Variants in SLC26A7 observed in about 807,000 individuals in gnomAD.
SLC26A7 encodes the protein anion exchange transporter.
SLC26A7 carries 59 observed loss-of-function variants against 82.5 expected under a neutral mutation model. That is an observed-to-expected ratio of 0.72 (90% CI 0.58 to 0.89). The LOEUF is 0.89. SLC26A7 is among the 40% of genes least tolerant of loss of function. The pLI, the probability that SLC26A7 is intolerant of heterozygous loss-of-function variation, is 0.00. For synonymous variants in SLC26A7, 271 were observed against 274.3 expected (o/e 0.99, Z 0.12); for missense variants, 820 against 793.0 (o/e 1.03, Z -0.41).
At chr8:91,245,024 T>C (rs954172298), upstream of SLC26A7, among the ~76,000 whole-genome samples, 1 of 152,198 alleles carries the variant, frequency 6.6e-6, no homozygotes, top group Non-Finnish European at 1.5e-5. Flanking sequence ...ACTGTACTGG[T>C]TGGCCTATCA....
At chr8:91,324,764 G>A (rs1052704506) in intron 5 of SLC26A7, among the ~76,000 whole-genome samples, 1 of 152,146 alleles carries the variant, frequency 6.6e-6, no homozygotes, top group Non-Finnish European at 1.5e-5. Context: ...TTGAAGGTGG[G>A]TAACGTGGTC....
At chr8:91,298,540 TAA>T (rs1475265215) in intron 4 of SLC26A7, among the ~76,000 whole-genome samples, 1 of 152,130 alleles carries the variant, frequency 6.6e-6, no homozygotes, top group Non-Finnish European at 1.5e-5. Flanking sequence ...TCAAGCATGT[TAA>T]AGTCATCATT....
In SLC26A7 at chr8:91,318,408, A is replaced by G. The variant is rs759849204; in HGVS notation, c.642+28A>G. On this transcript the variant is annotated intron_variant, in intron 5 of 18. Transcript: ENST00000276609. ...GAGTTTTTCGTATGCTTTCATACAT[A>G]TCTTTTGAATGTGCAGGTTTCACAA... 1.2e-5 allele frequency: 18 copies of G among 1,546,810 alleles called. No individual in the cohort carries two copies. The South Asian group carries it at 1.7e-4, about 14-fold the overall frequency.
At chr8:91,236,847 TAAAAC>T (rs1810399976) in intron 2 of SLC26A7, among the ~76,000 whole-genome samples, 1 of 152,210 alleles carries the variant, frequency 6.6e-6, no homozygotes, top group Non-Finnish European at 1.5e-5. Context: ...ATGTGCAGAA[TAAAAC>T]AAACAACTAC....
chr8:91,265,159 G>T (rs564241277), intron 2 of SLC26A7, among the ~76,000 whole-genome samples: 1 of 152,060 alleles, frequency 6.6e-6, no homozygotes, highest in South Asian at 2.1e-4. Flanking sequence ...TCTGTGTCTG[G>T]CTTATTTTAC....
chr8:91,230,868 T>C (rs547348659), intron 2 of SLC26A7, among the ~76,000 whole-genome samples: 2 of 152,194 alleles, frequency 1.3e-5, no homozygotes, highest in East Asian at 3.9e-4. Flanking sequence ...AAAGACCAAA[T>C]TGAATTTATA....
chr8:91,330,048 G>T (rs1442224598), intron 5 of SLC26A7, among the ~76,000 whole-genome samples: 1 of 152,010 alleles, frequency 6.6e-6, no homozygotes, highest in Admixed American at 6.6e-5. Flanking sequence ...AAGTAGCATG[G>T]AATAAAATAG....
chr8:91,217,522 C>T (rs973731661), intron 1 of SLC26A7, among the ~76,000 whole-genome samples: 1 of 152,126 alleles, frequency 6.6e-6, no homozygotes, highest in African/African-American at 2.4e-5. Flanking sequence ...CTTCCTTGAA[C>T]TGTCTTGCCT....
intron 2 of SLC26A7, among the ~76,000 whole-genome samples, chr8:91,270,614 C>T (rs1784120807): frequency 6.6e-6 from 1 of 152,094 alleles, no homozygotes; most frequent in Non-Finnish European, 1.5e-5. Context: ...ATACTCTTGC[C>T]ACCCACCAAT....
At chr8:91,260,981 C>T (rs956366239) in intron 2 of SLC26A7, among the ~76,000 whole-genome samples, 1 of 152,022 alleles carries the variant, frequency 6.6e-6, no homozygotes, top group Admixed American at 6.6e-5. Context: ...AACGCTTAAC[C>T]CTAATCCTGC....
intron 2 of SLC26A7, among the ~76,000 whole-genome samples, chr8:91,239,395 AATATATATATATATATGTATATGT>A (rs1810439836): frequency 6.3e-5 from 6 of 94,872 alleles, no homozygotes; most frequent in Non-Finnish European, 1.4e-4. Flanking sequence ...AAAAAAAAAA[AATATATATATATATATGTATATGT>A]ATATATATGT....
At chr8:91,306,487 G>T (rs1184492000) in intron 4 of SLC26A7, among the ~76,000 whole-genome samples, 1 of 152,090 alleles carries the variant, frequency 6.6e-6, no homozygotes, top group Non-Finnish European at 1.5e-5. Flanking sequence ...CTGTGGAACA[G>T]GTGGAGAGGA....
At chr8:91,316,451 ATTTTTTTTTTTTTTTTTTT>A (rs58981485) in intron 4 of SLC26A7, among the ~76,000 whole-genome samples, 36 of 34,424 alleles carry the variant, frequency 1.0e-3, no homozygotes, top group African/African-American at 2.8e-3. Flanking sequence ...CTCAACACTA[ATTTTTTTTTTTTTTTTTTT>A]TTTTTTTTTT....
chr8:91,238,672 G>A (rs907045998), intron 2 of SLC26A7, among the ~76,000 whole-genome samples: 1 of 151,668 alleles, frequency 6.6e-6, no homozygotes. Flanking sequence ...TTGGTCCTTG[G>A]TTTTAAAGAC....
intron 4 of SLC26A7, among the ~76,000 whole-genome samples, chr8:91,307,707 A>C (rs1217912914): frequency 7.1e-6 from 1 of 140,554 alleles, no homozygotes; most frequent in African/African-American, 2.6e-5. Context: ...CTAGATGACG[A>C]GTTAGTGGGT....
At chr8:91,334,503 G>A in intron 6 of SLC26A7, 56 bp downstream of exon 6, 1 of 1,505,004 alleles carries the variant, frequency 6.6e-7, no homozygotes, top group Non-Finnish European at 9.0e-7. Context: ...CAGTTCTTGG[G>A]GAGATCTGCA....
chr8:91,309,332 T>G (rs2130796254), intron 4 of SLC26A7, among the ~76,000 whole-genome samples: 1 of 151,646 alleles, frequency 6.6e-6, no homozygotes, highest in Non-Finnish European at 1.5e-5. Flanking sequence ...TATATTAAGT[T>G]AAACATGAGC....
At chr8:91,258,490 C>A (rs1810869166) in intron 2 of SLC26A7, among the ~76,000 whole-genome samples, 1 of 152,012 alleles carries the variant, frequency 6.6e-6, no homozygotes, top group African/African-American at 2.4e-5. Context: ...TAACCAAGTT[C>A]TGTAAATTCT....
intron 5 of SLC26A7, among the ~76,000 whole-genome samples, chr8:91,321,420 T>G (rs1236581019): frequency 6.6e-6 from 1 of 152,224 alleles, no homozygotes; most frequent in African/African-American, 2.4e-5. Flanking sequence ...GTTGGGCCGC[T>G]CTTTCTCTTC....
Sources: gnomAD v4.1 joint callset for allele counts (sites outside exome capture counted in the v4.1 genomes callset) on GRCh38, gnomAD v4.1.1 for gene constraint, MANE v1.5 for transcripts, NCBI Gene and HGNC (gene_info 2026-07-23, HGNC 2026-07-21) for gene names.